The following PTPRD variants were observed in gnomAD, a reference collection of about 807,000 sequenced individuals.
PTPRD encodes the protein receptor-type tyrosine-protein phosphatase delta.
PTPRD carries 34 observed loss-of-function variants against 214.5 expected under a neutral mutation model. The observed-to-expected ratio is 0.16, with a 90% CI of 0.12 to 0.21. The LOEUF (loss-of-function observed/expected upper bound fraction) is 0.21. Ranked by LOEUF, PTPRD falls within the 10% of genes least tolerant of loss-of-function variation. PTPRD has a pLI of 1.00. For synonymous variants in PTPRD, 1,128 were observed against 845.7 expected, an observed-to-expected ratio of 1.33 and a Z score of -5.79; for missense variants, 2,545 against 2,398.7, an observed-to-expected ratio of 1.06 and a Z score of -1.27.
intron 2 of PTPRD, among the ~76,000 whole-genome samples, chr9:10,353,818 G>T (rs1482931512): frequency 6.6e-6 from 1 of 151,770 alleles, no homozygotes; most frequent in Admixed American, 6.6e-5. Context: ...AGAAAATATG[G>T]CTTGGTAAAA....
At chr9:9,694,265 G>C (rs983952362) in intron 7 of PTPRD, among the ~76,000 whole-genome samples, 1 of 151,658 alleles carries the variant, frequency 6.6e-6, no homozygotes, top group Non-Finnish European at 1.5e-5. Flanking sequence ...GGTATGCAAA[G>C]GGTCTTGAAC....
intron 8 of PTPRD, among the ~76,000 whole-genome samples, chr9:9,567,423 C>A (rs1479414937): frequency 6.6e-6 from 1 of 151,918 alleles, no homozygotes; most frequent in African/African-American, 2.4e-5. Context: ...AGAAATTATT[C>A]TCTTGAAGAT....
intron 3 of PTPRD, among the ~76,000 whole-genome samples, chr9:10,160,985 T>G (rs1435625863): frequency 1.3e-5 from 2 of 151,766 alleles, no homozygotes; most frequent in Admixed American, 1.3e-4. Context: ...ACAAAGAATA[T>G]AAAATGCCTA....
At chr9:10,493,734 AAGATTTCCCCCAT>A (rs1165648781) in intron 2 of PTPRD, among the ~76,000 whole-genome samples, 1 of 152,084 alleles carries the variant, frequency 6.6e-6, no homozygotes, top group Non-Finnish European at 1.5e-5. Flanking sequence ...AGTTAAAAAT[AAGATTTCCCCCAT>A]AGAATAGATT....
At chr9:9,426,934 A>T (rs1169042455) in intron 8 of PTPRD, among the ~76,000 whole-genome samples, 1 of 152,160 alleles carries the variant, frequency 6.6e-6, no homozygotes, top group East Asian at 1.9e-4. Flanking sequence ...ACCAAAGGTA[A>T]ATAAAACCAC....
intron 9 of PTPRD, among the ~76,000 whole-genome samples, chr9:9,217,033 A>C (rs914902811): frequency 2.2e-4 from 33 of 152,268 alleles, no homozygotes; most frequent in Admixed American, 1.3e-3. Flanking sequence ...ATGTTTAAGA[A>C]ATGCCAGTGT....
chr9:9,307,122 G>A (rs1270705418), intron 9 of PTPRD, among the ~76,000 whole-genome samples: 1 of 152,104 alleles, frequency 6.6e-6, no homozygotes, highest in Admixed American at 6.6e-5. Flanking sequence ...ATTTTTAAAA[G>A]TTAACCAAAA....
chr9:9,006,317 C>T (rs2099466422), intron 11 of PTPRD, among the ~76,000 whole-genome samples: 2 of 152,002 alleles, frequency 1.3e-5, no homozygotes, highest in Admixed American at 6.6e-5. Flanking sequence ...TTTGGATTCT[C>T]CTCCTCTTTT....
intron 26 of PTPRD, among the ~76,000 whole-genome samples, chr9:8,495,661 T>C (rs975269381): frequency 1.3e-5 from 2 of 152,230 alleles, no homozygotes; most frequent in Admixed American, 6.5e-5. Flanking sequence ...CATGGTTCTA[T>C]AAAAATTTTA....
intron 2 of PTPRD, among the ~76,000 whole-genome samples, chr9:10,480,110 G>A (rs2132108388): frequency 8.2e-6 from 1 of 121,532 alleles, no homozygotes; most frequent in South Asian, 2.7e-4. Flanking sequence ...TGCTGGGCAG[G>A]GAGAAAACAA....
At chr9:8,543,743 T>C (rs1055155803) in intron 14 of PTPRD, among the ~76,000 whole-genome samples, 69 of 152,294 alleles carry the variant, frequency 4.5e-4, no homozygotes, top group Admixed American at 1.6e-3. Context: ...GACAGAGTCT[T>C]GCTCTGTTGT....
chr9:8,360,771 AG>A (rs1265831229), intron 39 of PTPRD, among the ~76,000 whole-genome samples: 4 of 152,200 alleles, frequency 2.6e-5, no homozygotes, highest in Non-Finnish European at 5.9e-5. Context: ...CTTTTATGAT[AG>A]CACTTCCTGG....
chr9:10,353,249 T>C (rs972169688), intron 2 of PTPRD, among the ~76,000 whole-genome samples: 16 of 151,926 alleles, frequency 1.1e-4, no homozygotes. Flanking sequence ...GGTGTTGAGG[T>C]AGTCCTAATG....
chr9:8,867,872 T>C (rs2098226242), intron 11 of PTPRD, among the ~76,000 whole-genome samples: 1 of 152,322 alleles, frequency 6.6e-6, no homozygotes, highest in Non-Finnish European at 1.5e-5. Flanking sequence ...GAATGTCCTA[T>C]CATAAGAGTG....
intron 9 of PTPRD, among the ~76,000 whole-genome samples, chr9:9,395,238 G>A (rs1009915650): frequency 1.3e-5 from 2 of 151,452 alleles, no homozygotes; most frequent in African/African-American, 4.8e-5. Context: ...CTCAAAGTGT[G>A]ATCCACAAAG....
chr9:8,935,755 G>A (rs554286089), intron 11 of PTPRD, among the ~76,000 whole-genome samples: 50 of 152,264 alleles, frequency 3.3e-4, no homozygotes, highest in African/African-American at 1.2e-3. Context: ...TTTTCAAAAG[G>A]CCTTCCAAAG....
At chr9:8,332,548 A>G (rs1842501945) in intron 43 of PTPRD, among the ~76,000 whole-genome samples, 1 of 152,194 alleles carries the variant, frequency 6.6e-6, no homozygotes, top group African/African-American at 2.4e-5. Flanking sequence ...AGGTAGAAAA[A>G]AAAGCCAGAT....
chr9:8,885,551 C>G (rs1440298503), intron 11 of PTPRD, among the ~76,000 whole-genome samples: 2 of 134,298 alleles, frequency 1.5e-5, no homozygotes, highest in East Asian at 4.9e-4. Context: ...GGCTGGAGTG[C>G]AATGGTGGGA....
rs571128976 is a variant in PTPRD, at chr9:8,335,272, C to A, written c.5380-3536G>T. Among the ~76,000 whole-genome samples, 179 of 151,370 alleles carry A rather than the reference C, an allele frequency of 1.2e-3. 2 individuals are homozygous for A. Among genetic ancestry groups the A allele is most frequent in the Non-Finnish European group, 2.0e-3 (138 of 67,850 alleles). ...AGTACTGGCAAACCGAATCCAGCAG[C>A]ACATCAAAAAGCTTATCCACCACGA... On this transcript the variant is annotated intron_variant, in intron 43 of 45. Coordinates refer to ENST00000381196, the MANE Select transcript of PTPRD (RefSeq NM_002839.4).
Sources: allele counts gnomAD v4.1 joint callset (sites outside exome capture counted in the v4.1 genomes callset), GRCh38; gene constraint gnomAD v4.1.1; transcripts MANE v1.5; gene names NCBI Gene and HGNC (gene_info 2026-07-23, HGNC 2026-07-21).